The following NTNG2 variants were observed in gnomAD, a reference collection of about 807,000 sequenced individuals.
The protein encoded by NTNG2 is netrin G2.
In NTNG2, 15 loss-of-function variants were observed where a neutral mutation model predicts 47.6. That is an observed-to-expected ratio of 0.32 (90% CI 0.21 to 0.49). The LOEUF (loss-of-function observed/expected upper bound fraction) is 0.49. Ranked by LOEUF, NTNG2 falls within the 20% of genes least tolerant of loss-of-function variation. The pLI, the probability that NTNG2 is intolerant of heterozygous loss-of-function variation, is 0.99. For missense variants in NTNG2, 578 were observed against 764.6 expected (o/e 0.76, Z 2.88); for synonymous variants, 307 against 324.6 (o/e 0.95, Z 0.58).
chr9:132,189,620 T>G (rs1360399786), intron 2 of NTNG2, among the ~76,000 whole-genome samples: 3 of 151,860 alleles, frequency 2.0e-5, no homozygotes, highest in African/African-American at 7.3e-5. Flanking sequence ...TTCTGTGGTT[T>G]TCTCAAATCC....
intron 2 of NTNG2, among the ~76,000 whole-genome samples, chr9:132,171,924 A>G (rs1835949681): frequency 6.6e-6 from 1 of 152,226 alleles, no homozygotes; most frequent in Non-Finnish European, 1.5e-5. Context: ...GTTTCCAGGT[A>G]TGACCTCATG....
At chr9:132,198,717 G>T in intron 3 of NTNG2, 108 bp downstream of exon 3, 1 of 1,176,608 alleles carries the variant, frequency 8.5e-7, no homozygotes, top group Non-Finnish European at 1.2e-6. Flanking sequence ...AACATGACCG[G>T]GTTCTTGGGA....
At chr9:132,213,036 A>G (rs1048027847) in intron 3 of NTNG2, among the ~76,000 whole-genome samples, 4 of 152,170 alleles carry the variant, frequency 2.6e-5, no homozygotes, top group African/African-American at 9.7e-5. Context: ...GAAGGACTTG[A>G]GGCCGGGCAC....
Position 132,218,599 on chromosome 9 carries a change from C to A in NTNG2, c.858-8250C>A, listed in dbSNP as rs575216830. ...GCAACCTCCACCTGTTGGGTTCAAG[C>A]GATCCTCCTGCCTCAGCCTCCCGAG... On this transcript the variant is annotated intron_variant, in intron 3 of 7. Coordinates refer to ENST00000393229, the MANE Select transcript of NTNG2 (RefSeq NM_032536.4). This position sits in a 1 kb window ranked among gnomAD's most constrained non-coding sequence, Gnocchi z 5.4. 1.3e-5 allele frequency among the ~76,000 whole-genome samples: 2 copies of A among 152,246 alleles called. No individual in the cohort carries two copies. Among genetic ancestry groups the A allele is most frequent in the East Asian group, 3.9e-4 (2 of 5,178 alleles).
chr9:132,232,832 G>C (rs1273104130), intron 5 of NTNG2: 2 of 152,382 alleles, frequency 1.3e-5, no homozygotes, highest in Non-Finnish European at 2.9e-5. Context: ...CATTTCTAAA[G>C]GGCAGAGTCC....
chr9:132,162,555 T>A lies in NTNG2; in HGVS notation c.-484+316T>A, dbSNP rs113531290. Reference sequence around the variant, plus strand: ...GTGAGAGTGTGTGTGTGTGTGTGTGTGAGAGAGAGACAGAGTGTGTGTGTG... The same window carrying A: ...GTGAGAGTGTGTGTGTGTGTGTGTGAGAGAGAGAGACAGAGTGTGTGTGTG... On this transcript the variant is annotated intron_variant, in intron 1 of 7. Coordinates refer to ENST00000393229, the MANE Select transcript of NTNG2 (RefSeq NM_032536.4). This position sits in a 1 kb window ranked among gnomAD's most constrained non-coding sequence, Gnocchi z 4.6. 1.2e-3 allele frequency among the ~76,000 whole-genome samples: 169 copies of A among 139,468 alleles called. 1 individual carries two copies. Among genetic ancestry groups the A allele is most frequent in the East Asian group, 3.9e-3 (18 of 4,610 alleles). The allele number at this position is 139,468 out of a possible 152,430, so 91.5% of individuals were successfully genotyped here.
In NTNG2 at chr9:132,198,410, G is replaced by T. The variant is rs1342385306; in HGVS notation, c.658G>T (p.Ala220Ser). Residue 220 changes from alanine (A) to serine (S), a missense_variant, in exon 3 of 8, where the codon GCC (alanine) becomes TCC (serine). By Grantham distance (99) the Ala-to-Ser change is moderately conservative. Coordinates refer to ENST00000393229, the MANE Select transcript of NTNG2 (RefSeq NM_032536.4). ...GCGCTTCGAGGTGCGGGACCGCTTCGCCATCTTTGCCGGCCCCGACCTGCG... is the reference window on the plus strand; with the variant it reads ...GCGCTTCGAGGTGCGGGACCGCTTCTCCATCTTTGCCGGCCCCGACCTGCG... ...HVRFEVRDRF[A>S]IFAGPDLRNM... is the part of the protein sequence containing the mutation. 1 of 1,613,056 alleles carries T rather than the reference G, an allele frequency of 6.2e-7. No individual in the cohort carries two copies. The highest frequency in any genetic ancestry group is 1.3e-5 in the African/African-American group (1 of 75,058).
At chr9:132,173,834 T>A (rs1319552821) in intron 2 of NTNG2, among the ~76,000 whole-genome samples, 1 of 121,384 alleles carries the variant, frequency 8.2e-6, no homozygotes, top group Non-Finnish European at 1.6e-5. Context: ...GGCCACACCA[T>A]GCTGCGGATG....
rs1835249667 is a variant in NTNG2, at chr9:132,163,511, C to A, written c.-484+1272C>A. ...CCGGGGCAGAGGACGGGAAGGTGAC[C>A]CCGCCGGCCAAGCTCCCTTTCCCTC... On this transcript the variant is annotated intron_variant, in intron 1 of 7. Transcript: ENST00000393229. This position sits in a 1 kb window ranked among gnomAD's most constrained non-coding sequence, Gnocchi z 7.2. Among the ~76,000 whole-genome samples, 1 of 152,124 alleles carries A rather than the reference C, an allele frequency of 6.6e-6. No individual in the cohort carries two copies. Among genetic ancestry groups the A allele is most frequent in the Non-Finnish European group, 1.5e-5 (1 of 67,990 alleles).
intron 3 of NTNG2, among the ~76,000 whole-genome samples, chr9:132,199,164 G>A (rs1268627784): frequency 6.6e-6 from 1 of 152,134 alleles, no homozygotes; most frequent in Non-Finnish European, 1.5e-5. Context: ...TGGAGGTGTG[G>A]AGGGCAGGAG....
chr9:132,232,728 G>C (rs1841328389), intron 5 of NTNG2: 1 of 152,238 alleles, frequency 6.6e-6, no homozygotes, highest in Non-Finnish European at 1.5e-5. Context: ...GGAGGACCTG[G>C]TGGGGACTCC....
At chr9:132,233,505 A>C (rs1463643150) in intron 5 of NTNG2, 1 of 152,272 alleles carries the variant, frequency 6.6e-6, no homozygotes, top group Non-Finnish European at 1.5e-5. Flanking sequence ...CTCAGTGAGC[A>C]GAAGGCACAC....
At chr9:132,216,986 G>C (rs1840036535) in intron 3 of NTNG2, among the ~76,000 whole-genome samples, 1 of 152,170 alleles carries the variant, frequency 6.6e-6, no homozygotes, top group Admixed American at 6.5e-5. Context: ...GGCCTTCTTT[G>C]TCCCCATGGA....
At chr9:132,187,536 T>C (rs1837485660) in intron 2 of NTNG2, among the ~76,000 whole-genome samples, 1 of 125,160 alleles carries the variant, frequency 8.0e-6, no homozygotes, top group Non-Finnish European at 1.6e-5. Context: ...AGAAGGAGAA[T>C]GAGAAACACA....
chr9:132,227,634 G>T (rs111664024), intron 4 of NTNG2, among the ~76,000 whole-genome samples: 1 of 152,168 alleles, frequency 6.6e-6, no homozygotes, highest in Admixed American at 6.5e-5. Flanking sequence ...CCTTTTTACA[G>T]ATGTGTCCTC....
At chr9:132,171,543 G>T (rs7031224) in intron 2 of NTNG2, among the ~76,000 whole-genome samples, 31,429 of 152,156 alleles carry the variant, frequency 0.21, 3,644 homozygotes, top group African/African-American at 0.29. Context: ...AAAGCCAAGG[G>T]CAGGCTGTGA....
intron 2 of NTNG2, among the ~76,000 whole-genome samples, chr9:132,190,158 G>A (rs1035955765): frequency 2.1e-4 from 31 of 148,012 alleles, no homozygotes; most frequent in Non-Finnish European, 3.9e-4. Flanking sequence ...GTGTGAACCC[G>A]GGAGGCAGAG....
At chr9:132,184,308 G>A (rs540226193) in intron 2 of NTNG2, among the ~76,000 whole-genome samples, 3 of 152,354 alleles carry the variant, frequency 2.0e-5, no homozygotes, top group South Asian at 2.1e-4. Flanking sequence ...ACCTGGTTCT[G>A]AGTATGGAAC....
chr9:132,227,475 C>T (rs1840864880), intron 4 of NTNG2, among the ~76,000 whole-genome samples: 1 of 152,108 alleles, frequency 6.6e-6, no homozygotes. Context: ...TGGGGTGGGA[C>T]CCCCACTTCA....
Sources: gnomAD v4.1 joint callset for allele counts (sites outside exome capture counted in the v4.1 genomes callset) on GRCh38, gnomAD v4.1.1 for gene constraint, Gnocchi (gnomAD v3.1) non-coding constraint, MANE v1.5 for transcripts, NCBI Gene and HGNC (gene_info 2026-07-23, HGNC 2026-07-21) for gene names.